AVEN: variants seen among roughly 807,000 people sequenced by gnomAD.
AVEN encodes the protein cell death regulator Aven.
A neutral mutation model predicts 38.1 loss-of-function variants in AVEN; 41 were observed. That is an observed-to-expected ratio of 1.08 (90% CI 0.84 to 1.40). AVEN has a LOEUF of 1.40. AVEN is among the 40% of genes most tolerant of loss of function. AVEN has a pLI of 0.00. For synonymous variants in AVEN, 206 were observed against 171.8 expected, an observed-to-expected ratio of 1.20 and a Z score of -1.56; for missense variants, 605 against 438.8, an observed-to-expected ratio of 1.38 and a Z score of -3.38.
At chr15:34,006,815 G>A (rs1425656919) in intron 1 of AVEN, among the ~76,000 whole-genome samples, 1 of 152,148 alleles carries the variant, frequency 6.6e-6, no homozygotes, top group Non-Finnish European at 1.5e-5. Flanking sequence ...AAGTTTAGAA[G>A]ACATTTGATG....
At chr15:34,064,175 C>T in intron 4 of AVEN, 1 of 1,614,146 alleles carries the variant, frequency 6.2e-7, no homozygotes, top group Non-Finnish European at 8.5e-7. Context: ...TGTGCTATGT[C>T]AATAGCACTG....
At chr15:34,045,003 G>A (rs891558214) in intron 5 of AVEN, among the ~76,000 whole-genome samples, 13 of 152,282 alleles carry the variant, frequency 8.5e-5, no homozygotes, top group East Asian at 1.9e-4. Flanking sequence ...AGCCGAGATC[G>A]TGCCACTGCA....
chr15:33,980,847 C>T (rs1363353920), intron 2 of AVEN, among the ~76,000 whole-genome samples: 1 of 152,122 alleles, frequency 6.6e-6, no homozygotes, highest in Admixed American at 6.5e-5. Flanking sequence ...ACTTGCAATA[C>T]CATTCTGACT....
chr15:33,947,288 C>T (rs897188123), intron 2 of AVEN, among the ~76,000 whole-genome samples: 40 of 152,156 alleles, frequency 2.6e-4, no homozygotes, highest in African/African-American at 8.4e-4. Context: ...ACAACGAATG[C>T]TCCCAGCATG....
At chr15:33,882,233 G>C (rs1891515784) in intron 2 of AVEN, among the ~76,000 whole-genome samples, 1 of 152,072 alleles carries the variant, frequency 6.6e-6, no homozygotes, top group South Asian at 2.1e-4. Context: ...TTATAGATAA[G>C]AATACCAAAA....
chr15:33,908,274 T>C lies in AVEN; in HGVS notation c.446-32279A>G, dbSNP rs1892784669. ...GGATTCTTTTACTTCGAAAGCTGAA[T>C]TGCTAATTCCAAAGAACATTGTGTT... is the stretch of plus-strand genomic sequence containing the variant. On this transcript the variant is annotated intron_variant, in intron 2 of 5. Transcript: ENST00000306730. Among the ~76,000 whole-genome samples the C allele has an allele frequency of 5.6e-5, 2 of 35,908 alleles. 1 individual carries two copies. Among genetic ancestry groups the C allele is most frequent in the African/African-American group, 1.1e-4 (2 of 18,742 alleles). 23.6% of individuals were successfully genotyped at this position (35,908 alleles called of 152,430 possible).
At position 33,918,513 on chromosome 15, in the gene AVEN, T is replaced by C. The variant is rs560452367; in HGVS notation, c.446-42518A>G. On this transcript the variant is annotated intron_variant, in intron 2 of 5. Coordinates refer to ENST00000306730, the MANE Select transcript of AVEN (RefSeq NM_020371.3). ...AGACAGTCTTGCTCTGTCACCCAGATTGAAGTGCAGTGGCGTGATCTCAGC... is the reference window on the plus strand; with the variant it reads ...AGACAGTCTTGCTCTGTCACCCAGACTGAAGTGCAGTGGCGTGATCTCAGC... 7.3e-5 allele frequency among the ~76,000 whole-genome samples: 10 copies of C among 136,736 alleles called. No individual in the cohort carries two copies. In the South Asian group the frequency reaches 2.1e-3, roughly 29 times the overall value. 89.7% of individuals were successfully genotyped at this position (136,736 alleles called of 152,430 possible).
rs1246797814 is a variant in AVEN, at chr15:33,903,996, C to A, written c.446-28001G>T. Among the ~76,000 whole-genome samples the A allele has an allele frequency of 2.0e-5, 3 of 152,244 alleles. 1 individual carries two copies. The South Asian group carries it at 6.2e-4, about 32-fold the overall frequency. ...AATGGTAAGTATTTGTGTTTCTGAA[C>A]ATATATAACATAGAATAGGTATGGT... On this transcript the variant is annotated intron_variant, in intron 2 of 5. Transcript: ENST00000306730.
chr15:33,896,982 A>G (rs893141628), intron 2 of AVEN, among the ~76,000 whole-genome samples: 4 of 152,216 alleles, frequency 2.6e-5, no homozygotes, highest in Non-Finnish European at 5.9e-5. Flanking sequence ...CTGAATGAGT[A>G]GTAAAAAGGA....
At chr15:34,003,940 T>C (rs1897234413) in intron 1 of AVEN, among the ~76,000 whole-genome samples, 1 of 152,218 alleles carries the variant, frequency 6.6e-6, no homozygotes, top group South Asian at 2.1e-4. Context: ...TATTTTTAAA[T>C]ATTGAGAGGA....
At chr15:33,883,862 A>T (rs1338050443) in intron 2 of AVEN, 1 of 152,168 alleles carries the variant, frequency 6.6e-6, no homozygotes, top group Non-Finnish European at 1.5e-5. Flanking sequence ...ATATTCAGAG[A>T]CTTCAAAAGT....
chr15:33,981,053 T>C (rs1169453391), intron 2 of AVEN, among the ~76,000 whole-genome samples: 2 of 150,516 alleles, frequency 1.3e-5, no homozygotes, highest in Admixed American at 6.7e-5. Flanking sequence ...TGAGTTTTTA[T>C]ATAAACATAC....
intron 2 of AVEN, among the ~76,000 whole-genome samples, chr15:34,000,221 T>C (rs752047517): frequency 5.3e-5 from 8 of 152,258 alleles, no homozygotes; most frequent in Non-Finnish European, 1.0e-4. Context: ...TAAGCAATTA[T>C]AGCATTTAAC....
chr15:34,073,262 C>T (rs1446772191), intron 1 of AVEN, among the ~76,000 whole-genome samples: 4 of 110,494 alleles, frequency 3.6e-5, no homozygotes, highest in Admixed American at 1.1e-4. Flanking sequence ...TCCCTGTGTT[C>T]GCCAGGATGG....
rs143033042 is a variant in AVEN, at chr15:34,018,858, T to G, written c.268-15649A>C. 4.2e-3 allele frequency among the ~76,000 whole-genome samples: 434 copies of G among 104,492 alleles called. 4 individuals are homozygous for G. Among genetic ancestry groups the G allele is most frequent in the African/African-American group, 0.012 (407 of 34,048 alleles). 68.6% of individuals were successfully genotyped at this position (104,492 alleles called of 152,430 possible). On this transcript the variant is annotated intron_variant, in intron 1 of 5. Coordinates refer to ENST00000306730, the MANE Select transcript of AVEN (RefSeq NM_020371.3). ...TGATTGGTGCATTTTTACAGAGTGC[T>G]GATCAGTGCATTTATAATCCTTTAG... is the stretch of plus-strand genomic sequence containing the variant.
chr15:34,003,066 C>T lies in AVEN; in HGVS notation c.411G>A (p.Arg137=), dbSNP rs757024670. The T allele has an allele frequency of 4.5e-5, 72 of 1,613,808 alleles. No individual in the cohort carries two copies. The highest frequency in any genetic ancestry group is 5.5e-5 in the Non-Finnish European group (65 of 1,179,898). The change falls in exon 2 of 6, where the codon AGG becomes AGA. Residue 137 remains arginine, a synonymous_variant. Transcript: ENST00000306730. The part of the protein sequence containing the change: ...EVNNESGESQ[R]GTDFSVLLSS... ...TAAGGAGGACACTGAAATCTGTTCCCCTCTGTGACTCTCCACTTTCATTAT... is the reference window on the plus strand; with the variant it reads ...TAAGGAGGACACTGAAATCTGTTCCTCTCTGTGACTCTCCACTTTCATTAT...
chr15:33,988,355 T>C (rs1427469129), intron 2 of AVEN, among the ~76,000 whole-genome samples: 2 of 152,254 alleles, frequency 1.3e-5, no homozygotes, highest in East Asian at 1.9e-4. Flanking sequence ...CTGATTCTGC[T>C]ACCTAAGAGA....
chr15:33,873,407 A>C (rs1431708466), intron 3 of AVEN, among the ~76,000 whole-genome samples: 1 of 149,660 alleles, frequency 6.7e-6, no homozygotes, highest in Non-Finnish European at 1.5e-5. Context: ...CCCCCTCTCT[A>C]TTGTCTTGCG....
intron 2 of AVEN, among the ~76,000 whole-genome samples, chr15:33,920,305 G>A (rs1483810005): frequency 6.6e-6 from 1 of 152,112 alleles, no homozygotes; most frequent in East Asian, 1.9e-4. Flanking sequence ...TTTTCACCTT[G>A]CAAAGCTGAA....
Sources: gnomAD v4.1 joint callset for allele counts (sites outside exome capture counted in the v4.1 genomes callset) on GRCh38, gnomAD v4.1.1 for gene constraint, MANE v1.5 for transcripts, NCBI Gene and HGNC (gene_info 2026-07-23, HGNC 2026-07-21) for gene names.